The following TMEM94 variants were observed in gnomAD, a reference collection of about 807,000 sequenced individuals.
TMEM94 encodes the protein ER Mg2+ ATPase.
Under a neutral mutation model 158.6 loss-of-function variants are expected in TMEM94, and 81 were observed. The observed-to-expected ratio is 0.51, with a 90% CI of 0.43 to 0.61. TMEM94 has a LOEUF of 0.61. TMEM94 is among the 20% of genes least tolerant of loss of function. The probability of loss-of-function intolerance (pLI) is 0.00; values close to 1 mark genes in which losing one functional copy is unlikely to be tolerated. For missense variants in TMEM94, 1,435 were observed against 1,762.0 expected (o/e 0.81, Z 3.32); for synonymous variants, 751 against 730.7 (o/e 1.03, Z -0.45).
intron 2 of TMEM94, among the ~76,000 whole-genome samples, chr17:75,480,635 C>A (rs1326165756): frequency 6.6e-6 from 1 of 152,230 alleles, no homozygotes; most frequent in Admixed American, 6.5e-5. Flanking sequence ...CAGGCCTGAC[C>A]AAAGGAGGGA....
At chr17:75,488,669 C>T in intron 6 of TMEM94, 90 bp from the exon 7 acceptor site, 1 of 1,498,860 alleles carries the variant, frequency 6.7e-7, no homozygotes, top group Non-Finnish European at 9.2e-7. Flanking sequence ...CTCCTAACCC[C>T]AGCGAATGTC....
rs118079683 is a variant in TMEM94 at position 75,491,170 on chromosome 17, C to A, written c.1233+17C>A. On this transcript the variant is annotated intron_variant, in intron 12 of 31. Transcript: ENST00000314256. The surrounding 1 kb of genome is among the most constrained non-coding windows in gnomAD (Gnocchi z 5.1). ...TCTGTCACGGTGAGGGTGGGCCTTG[C>A]GGGGAGGAGGCAACTGTCATGCCCG... 2 of 1,598,628 alleles carry A rather than the reference C, an allele frequency of 1.3e-6. No individual in the cohort carries two copies. The highest frequency in any genetic ancestry group is 1.7e-5 in the Admixed American group (1 of 59,070).
At chr17:75,480,958 G>A (rs1189672418) in intron 2 of TMEM94, among the ~76,000 whole-genome samples, 1 of 152,192 alleles carries the variant, frequency 6.6e-6, no homozygotes, top group Non-Finnish European at 1.5e-5. Context: ...AGAAGGCTGA[G>A]CCTGAGGGGA....
intron 2 of TMEM94, among the ~76,000 whole-genome samples, chr17:75,482,772 CATTCATTT>C (rs1240754006): frequency 2.1e-4 from 32 of 152,256 alleles, no homozygotes; most frequent in South Asian, 6.2e-4. Context: ...TTCATTCATT[CATTCATTT>C]ATTCATTCAT....
At chr17:75,493,957 C>T in intron 18 of TMEM94, 41 bp downstream of exon 18, 2 of 1,572,538 alleles carry the variant, frequency 1.3e-6, no homozygotes, top group Non-Finnish European at 1.7e-6. Context: ...TGCTGGGGCT[C>T]CCCTGGGCTG....
intron 2 of TMEM94, among the ~76,000 whole-genome samples, chr17:75,481,962 C>T (rs978992545): frequency 6.6e-6 from 1 of 152,178 alleles, no homozygotes; most frequent in African/African-American, 2.4e-5. Flanking sequence ...ATAATCACAG[C>T]ACTTTAGCAG....
chr17:75,490,074 T>G, intron 9 of TMEM94, 160 bp from the exon 10 acceptor site: 2 of 913,010 alleles, frequency 2.2e-6, no homozygotes, highest in Non-Finnish European at 3.0e-6. Flanking sequence ...CAAGACTCCG[T>G]CTCAAAAAAA....
chr17:75,466,739 A>T (rs1039055149), intron 1 of TMEM94, among the ~76,000 whole-genome samples: 18 of 151,640 alleles, frequency 1.2e-4, no homozygotes, highest in Non-Finnish European at 2.1e-4. Flanking sequence ...AATCACTTGA[A>T]CCCAGGAGGC....
chr17:75,494,557 C>CTG (rs1188855411), intron 18 of TMEM94, 70 bp from the exon 19 acceptor site: 12 of 1,504,356 alleles, frequency 8.0e-6, no homozygotes, highest in Middle Eastern at 1.8e-4. Context: ...GGTGTGGCAT[C>CTG]TGTGTGTGTG....
rs1441608435 is a variant in TMEM94 at position 75,456,694 on chromosome 17, G to A, written c.-164G>A. The A allele has an allele frequency of 6.6e-6, 1 of 152,340 alleles. No homozygotes were observed. Among genetic ancestry groups the A allele is most frequent in the Non-Finnish European group, 1.5e-5 (1 of 68,136 alleles). The allele number at this position is 152,340 out of a possible 1,614,324, so 9.4% of individuals were successfully genotyped here. A position where few individuals can be genotyped will look rare whatever the true frequency, so the allele number is the denominator to read the frequency against. Reference sequence around the variant, plus strand: ...GCCCCCGGAGGAGGGGACGTGAAGTGAGGAGGGGGTTGGGAGGGGAGAGGA... The same window carrying A: ...GCCCCCGGAGGAGGGGACGTGAAGTAAGGAGGGGGTTGGGAGGGGAGAGGA... On this transcript the variant is annotated 5_prime_UTR_variant, in exon 1 of 32. An upstream open reading frame in the 5' UTR loses its in-frame stop. Transcript: ENST00000314256.
intron 1 of TMEM94, among the ~76,000 whole-genome samples, chr17:75,461,086 C>T (rs940895620): frequency 3.6e-5 from 5 of 137,994 alleles, no homozygotes; most frequent in East Asian, 4.2e-4. Context: ...TGTCCTTTTG[C>T]GATTGGCTTT....
In TMEM94 at chr17:75,497,710, G is replaced by A. The variant is rs2052859702; in HGVS notation, c.3408-71G>A. On this transcript the variant is annotated intron_variant, in intron 26 of 31. Transcript: ENST00000314256. The stretch of plus-strand genomic sequence containing the variant: ...GACCTCACGCGCAAGACTCCCTAGA[G>A]GTTCCCTCTATGAGAATTGAGGGAC... 8.4e-6 allele frequency: 11 copies of A among 1,307,066 alleles called. No individual in the cohort carries two copies. In the South Asian group the frequency reaches 1.3e-4, roughly 16 times the overall value. 81.0% of individuals were successfully genotyped at this position (1,307,066 alleles called of 1,614,324 possible).
chr17:75,470,059 G>A (rs774863089), intron 1 of TMEM94, among the ~76,000 whole-genome samples: 1 of 152,070 alleles, frequency 6.6e-6, no homozygotes, highest in African/African-American at 2.4e-5. Flanking sequence ...GGCAATAAGA[G>A]TGAAACTCCG....
At chr17:75,490,114 C>A in intron 9 of TMEM94, 120 bp from the exon 10 acceptor site, 2 of 1,406,026 alleles carry the variant, frequency 1.4e-6, no homozygotes, top group Non-Finnish European at 1.9e-6. Flanking sequence ...TCCCTTCCTG[C>A]CCCTGAGAGA....
Position 75,487,116 on chromosome 17 carries a change from A to G in TMEM94, c.409+690A>G, listed in dbSNP as rs1381905614. ...AGATGGTTAATTGCCACCATGTGCCAGGCACTGGGAGTGCAATGGTGATGG... is the reference window on the plus strand; with the variant it reads ...AGATGGTTAATTGCCACCATGTGCCGGGCACTGGGAGTGCAATGGTGATGG... On this transcript the variant is annotated intron_variant, in intron 5 of 31. Transcript: ENST00000314256. This position sits in a 1 kb window ranked among gnomAD's most constrained non-coding sequence, Gnocchi z 4.6. Among the ~76,000 whole-genome samples, 1 of 152,168 alleles carries G rather than the reference A, an allele frequency of 6.6e-6. No homozygotes were observed. Among genetic ancestry groups the G allele is most frequent in the Non-Finnish European group, 1.5e-5 (1 of 68,032 alleles).
chr17:75,496,139 C>T (rs1047850864), intron 23 of TMEM94, 65 bp downstream of exon 23: 82 of 1,512,068 alleles, frequency 5.4e-5, no homozygotes, highest in Non-Finnish European at 6.8e-5. Context: ...ATCAGATGGG[C>T]CTGCGTGGGG....
chr17:75,473,837 G>A (rs1422715273), intron 2 of TMEM94, among the ~76,000 whole-genome samples: 1 of 152,166 alleles, frequency 6.6e-6, no homozygotes, highest in African/African-American at 2.4e-5. Flanking sequence ...CAAGCAGGCT[G>A]GGCACAGTGG....
At chr17:75,490,781 C>A in intron 11 of TMEM94, 23 bp downstream of exon 11, 5 of 1,606,702 alleles carry the variant, frequency 3.1e-6, no homozygotes, top group Non-Finnish European at 4.3e-6. Context: ...CCCGGGATGG[C>A]TTCTCTCGCA....
At chr17:75,497,227 C>A in intron 26 of TMEM94, 29 bp downstream of exon 26, 1 of 1,566,236 alleles carries the variant, frequency 6.4e-7, no homozygotes, top group Non-Finnish European at 8.8e-7. Flanking sequence ...TCCCCACACC[C>A]CATGCCTAAG....
Sources: gnomAD v4.1 joint callset for allele counts (sites outside exome capture counted in the v4.1 genomes callset) on GRCh38, gnomAD v4.1.1 for gene constraint, Gnocchi (gnomAD v3.1) non-coding constraint, MANE v1.5 for transcripts, NCBI Gene and HGNC (gene_info 2026-07-23, HGNC 2026-07-21) for gene names.